ARHGAP24: variants seen among roughly 807,000 people sequenced by gnomAD.
ARHGAP24 encodes the protein rho GTPase-activating protein 24.
A neutral mutation model predicts 76.4 loss-of-function variants in ARHGAP24; 50 were observed. That is an observed-to-expected ratio of 0.65 (90% CI 0.52 to 0.83). The LOEUF (loss-of-function observed/expected upper bound fraction) is 0.83. Ranked by LOEUF, ARHGAP24 falls within the 40% of genes least tolerant of loss-of-function variation. The pLI, the probability that ARHGAP24 is intolerant of heterozygous loss-of-function variation, is 0.00. For missense variants in ARHGAP24, 930 were observed against 914.2 expected (o/e 1.02, Z -0.22); for synonymous variants, 345 against 323.3 (o/e 1.07, Z -0.72).
chr4:85,984,609 C>T (rs1436103438), intron 8 of ARHGAP24, among the ~76,000 whole-genome samples: 1 of 152,042 alleles, frequency 6.6e-6, no homozygotes, highest in Non-Finnish European at 1.5e-5. Context: ...CAGTCTTTAG[C>T]AGAAAGAAAG....
intron 3 of ARHGAP24, among the ~76,000 whole-genome samples, chr4:85,749,853 C>T (rs912684358): frequency 2.0e-5 from 3 of 152,166 alleles, no homozygotes; most frequent in Non-Finnish European, 4.4e-5. Flanking sequence ...AGGCGTGAGC[C>T]ACCGTGCCTG....
chr4:85,591,307 A>G (rs1728097169), intron 2 of ARHGAP24, among the ~76,000 whole-genome samples: 1 of 152,112 alleles, frequency 6.6e-6, no homozygotes, highest in Admixed American at 6.5e-5. Flanking sequence ...CAGCCTCCCA[A>G]AGTGCTGGGA....
intron 1 of ARHGAP24, among the ~76,000 whole-genome samples, chr4:85,569,263 GA>G (rs1277922028): frequency 6.6e-6 from 1 of 152,130 alleles, no homozygotes; most frequent in Non-Finnish European, 1.5e-5. Flanking sequence ...TATATGCCTG[GA>G]CAGGAATAAT....
intron 3 of ARHGAP24, among the ~76,000 whole-genome samples, chr4:85,853,612 G>A (rs115526314): frequency 0.041 from 6,275 of 152,082 alleles, 434 homozygotes; most frequent in African/African-American, 0.14. Context: ...ATCTTGGAAC[G>A]GACCTAAATG....
chr4:85,816,006 G>A (rs1200646999), intron 3 of ARHGAP24, among the ~76,000 whole-genome samples: 1 of 152,144 alleles, frequency 6.6e-6, no homozygotes, highest in East Asian at 1.9e-4. Flanking sequence ...CAAACCATCA[G>A]ATCTTGTGAG....
intron 1 of ARHGAP24, among the ~76,000 whole-genome samples, chr4:85,520,205 T>C (rs1724683407): frequency 1.3e-5 from 2 of 152,154 alleles, no homozygotes; most frequent in African/African-American, 4.8e-5. Context: ...ATTTATACTG[T>C]TTTATGATGC....
chr4:85,954,655 G>A lies in ARHGAP24; in HGVS notation c.599+12382G>A, dbSNP rs115046750. Among the ~76,000 whole-genome samples the A allele has an allele frequency of 7.1e-3, 1,076 of 152,316 alleles. 4 individuals are homozygous for A. The highest frequency in any genetic ancestry group is 0.011 in the Non-Finnish European group (771 of 68,030). ...TCTAGCTTAGTATTTAAAATGCTCGGCAGCACATATACTAAAATTGGAAGA... is the reference window on the plus strand; with the variant it reads ...TCTAGCTTAGTATTTAAAATGCTCGACAGCACATATACTAAAATTGGAAGA... On this transcript the variant is annotated intron_variant, in intron 5 of 9. Coordinates refer to ENST00000395184, the MANE Select transcript of ARHGAP24 (RefSeq NM_001025616.3).
chr4:85,552,111 G>A (rs990576631), intron 1 of ARHGAP24, among the ~76,000 whole-genome samples: 2 of 152,068 alleles, frequency 1.3e-5, no homozygotes, highest in African/African-American at 4.8e-5. Flanking sequence ...AGGTGATGAT[G>A]TTAGGTTGTT....
intron 5 of ARHGAP24, among the ~76,000 whole-genome samples, chr4:85,969,661 A>G (rs577474346): frequency 1.3e-5 from 2 of 152,196 alleles, no homozygotes; most frequent in South Asian, 4.1e-4. Context: ...TTTACTACTA[A>G]TGACTGTCCC....
chr4:85,952,594 G>T (rs1271760671), intron 5 of ARHGAP24, among the ~76,000 whole-genome samples: 3 of 152,202 alleles, frequency 2.0e-5, no homozygotes, highest in Non-Finnish European at 4.4e-5. Context: ...TGAGTGCATG[G>T]ATGAGCCTTT....
chr4:85,582,519 G>C (rs1382569459), intron 2 of ARHGAP24, among the ~76,000 whole-genome samples: 1 of 152,068 alleles, frequency 6.6e-6, no homozygotes, highest in Non-Finnish European at 1.5e-5. Flanking sequence ...GCATGAGATA[G>C]AAAACTTGGC....
intron 1 of ARHGAP24, among the ~76,000 whole-genome samples, chr4:85,518,125 A>G (rs956507874): frequency 6.6e-6 from 1 of 152,144 alleles, no homozygotes; most frequent in Non-Finnish European, 1.5e-5. Flanking sequence ...TTGCAGAGTT[A>G]TTATGAAAAT....
Position 85,500,897 on chromosome 4 carries a change from T to A in ARHGAP24, c.-21+25338T>A, listed in dbSNP as rs192695137. On this transcript the variant is annotated intron_variant, in intron 1 of 9. Transcript: ENST00000395184. ...CCACCCCCCCACCAACAGGCCCTGG[T>A]GTGTGATGTTCCCCACCCAGTGTCC... Among the ~76,000 whole-genome samples, 1,138 of 120,642 alleles carry A rather than the reference T, an allele frequency of 9.4e-3. 6 individuals carry two copies. Among genetic ancestry groups the A allele is most frequent in the Middle Eastern group, 0.037 (9 of 244 alleles). The allele number at this position is 120,642 out of a possible 152,430, so 79.1% of individuals were successfully genotyped here.
intron 1 of ARHGAP24, among the ~76,000 whole-genome samples, chr4:85,509,440 T>C (rs1319567737): frequency 6.6e-6 from 1 of 152,108 alleles, no homozygotes; most frequent in African/African-American, 2.4e-5. Context: ...GGAAAAGCGA[T>C]GGCTAGATTA....
Position 85,602,228 on chromosome 4 carries a change from G to A in ARHGAP24, c.180+31507G>A, listed in dbSNP as rs546810934. Among the ~76,000 whole-genome samples the A allele has an allele frequency of 1.3e-4, 20 of 152,278 alleles. No homozygotes were observed. In the South Asian group the frequency reaches 4.1e-3, roughly 32 times the overall value. On this transcript the variant is annotated intron_variant, in intron 2 of 9. Transcript: ENST00000395184. ...AAGCAGTATTTGAAGGGAAAAATTT[G>A]TCATATCTCACGTAATTTCCCAAGC...
rs113116608 is a variant in ARHGAP24, at chr4:85,930,692, AC to A, written c.391+6924del. 6.8e-5 allele frequency: 82 copies of A among 1,199,646 alleles called. No homozygotes were observed. The African/African-American group carries it at 9.6e-4, about 14-fold the overall frequency. The allele number at this position is 1,199,646 out of a possible 1,614,324, so 74.3% of individuals were successfully genotyped here. ...GAAACTTAAAAAAAAGAAAAAAAAAACCTTAAAAACTCCCTGGATTAGGCAA... is the reference window on the plus strand; with the variant it reads ...GAAACTTAAAAAAAAGAAAAAAAAAACTTAAAAACTCCCTGGATTAGGCAA... On this transcript the variant is annotated intron_variant, in intron 4 of 9. Transcript: ENST00000395184.
rs189602654 is a variant in ARHGAP24, at chr4:85,571,520, A to G, written c.180+799A>G. On this transcript the variant is annotated intron_variant, in intron 2 of 9. Coordinates refer to ENST00000395184, the MANE Select transcript of ARHGAP24 (RefSeq NM_001025616.3). ...ACATTTTAGATTCGTTTATATAAAC[A>G]ACCCTAACAGTATGTTCTTGAGGCT... 5.8e-4 allele frequency among the ~76,000 whole-genome samples: 88 copies of G among 152,346 alleles called. 1 individual carries two copies. Among genetic ancestry groups the G allele is most frequent in the African/African-American group, 2.0e-3 (83 of 41,586 alleles).
At chr4:85,994,530 A>C in intron 8 of ARHGAP24, 53 bp from the exon 9 acceptor site, 1 of 1,530,936 alleles carries the variant, frequency 6.5e-7, no homozygotes, top group Non-Finnish European at 9.1e-7. Context: ...ATTGAAATAG[A>C]AATAAATAAA....
intron 3 of ARHGAP24, among the ~76,000 whole-genome samples, chr4:85,886,715 TA>T (rs1403200072): frequency 2.6e-5 from 4 of 152,302 alleles, no homozygotes; most frequent in African/African-American, 9.6e-5. Context: ...ATAAAGCATC[TA>T]AAATAATGAT....
Sources: allele counts gnomAD v4.1 joint callset (sites outside exome capture counted in the v4.1 genomes callset), GRCh38; gene constraint gnomAD v4.1.1; transcripts MANE v1.5; gene names NCBI Gene and HGNC (gene_info 2026-07-23, HGNC 2026-07-21).